Variants in NEB observed in about 807,000 individuals in gnomAD.
NEB encodes nebulin.
A neutral mutation model predicts 952.2 loss-of-function variants in NEB; 512 were observed. That is an observed-to-expected ratio of 0.54 (90% CI 0.50 to 0.58). The LOEUF is 0.58. NEB is among the 20% of genes least tolerant of loss of function. The probability of loss-of-function intolerance (pLI) is 0.00; values close to 1 mark genes in which losing one functional copy is unlikely to be tolerated. For synonymous variants in NEB, 2,900 were observed against 3,149.8 expected (o/e 0.92, Z 2.66); for missense variants, 8,428 against 9,231.1 (o/e 0.91, Z 3.56).
rs1553603958 is a variant in NEB, at chr2:151,695,684, T to C, written c.1570-2A>G. 6.2e-7 allele frequency: 1 copy of C among 1,602,510 alleles called. No individual in the cohort carries two copies. The highest frequency in any genetic ancestry group is 8.5e-7 in the Non-Finnish European group (1 of 1,170,128). Reference sequence around the variant, plus strand: ...TTCATGTTTTGCTTTGTAATTTAACTATGACAGAGAGAGAACCAATTAGTT... The same window carrying C: ...TTCATGTTTTGCTTTGTAATTTAACCATGACAGAGAGAGAACCAATTAGTT... On this transcript the variant is annotated splice_acceptor_variant, in intron 17 of 181. Transcript: ENST00000397345. LOFTEE classifies it high-confidence loss of function.
intron 161 of NEB, among the ~76,000 whole-genome samples, chr2:151,509,318 G>A (rs1452642342): frequency 7.2e-6 from 1 of 139,138 alleles, no homozygotes; most frequent in East Asian, 2.2e-4. Context: ...TAGCTATGTA[G>A]ATGTAAGGAA....
chr2:151,541,650 C>T (rs1468451360), intron 135 of NEB, 99 bp from the exon 136 acceptor site: 3 of 856,100 alleles, frequency 3.5e-6, no homozygotes, highest in Non-Finnish European at 5.7e-6. Context: ...AGGCAGGAGC[C>T]CTCCCACTGC....
intron 68 of NEB, among the ~76,000 whole-genome samples, chr2:151,629,118 G>T (rs889138181): frequency 2.0e-5 from 3 of 152,136 alleles, no homozygotes; most frequent in African/African-American, 7.2e-5. Flanking sequence ...TTTGGGGAAA[G>T]GTGGATTTTC....
rs2098497977 is a variant in NEB at position 151,625,254 on chromosome 2, A to C, written c.10452+280T>G. On this transcript the variant is annotated intron_variant, in intron 71 of 181. Transcript: ENST00000397345. Reference sequence around the variant, plus strand: ...TGAATAGCAAGAATTATTTTTAATGAAAATTATGTTTTAGTCATTAATAGT... The same window carrying C: ...TGAATAGCAAGAATTATTTTTAATGCAAATTATGTTTTAGTCATTAATAGT... Among the ~76,000 whole-genome samples the C allele has an allele frequency of 7.9e-5, 12 of 152,172 alleles. 1 individual carries two copies. The highest frequency in any genetic ancestry group is 7.9e-4 in the Admixed American group (12 of 15,268).
At chr2:151,521,197 A>G (rs1389358738) in intron 153 of NEB, among the ~76,000 whole-genome samples, 2 of 152,194 alleles carry the variant, frequency 1.3e-5, no homozygotes, top group African/African-American at 4.8e-5. Flanking sequence ...ACAGACACAA[A>G]ATAACAATGA....
In NEB at chr2:151,697,205, G is replaced by A. The variant is rs112958786; in HGVS notation, c.1413C>T (p.Phe471=). The change falls in exon 16 of 182, where the codon TTC becomes TTT. Residue 471 remains phenylalanine (F), a synonymous_variant. Coordinates refer to ENST00000397345, the MANE Select transcript of NEB (RefSeq NM_001164508.2). The part of the protein sequence containing the change: ...EYEEDRGKGF[F]PQTITQEYEA... ...CATATTCTTGAGTTATGGTCTGAGG[G>A]AAGAAGCCTTTGCCTCTGTCTTCTT... 7.8e-4 allele frequency: 1,254 copies of A among 1,613,746 alleles called. 8 individuals carry two copies. In the African/African-American group the frequency reaches 0.012, roughly 16 times the overall value.
At chr2:151,687,793 AT>A (rs1254297989) in intron 25 of NEB, 60 bp from the exon 26 acceptor site, 3 of 1,453,716 alleles carry the variant, frequency 2.1e-6, no homozygotes, top group Non-Finnish European at 2.8e-6. Context: ...CAGTAAAAAA[AT>A]AAAAACATAT....
chr2:151,499,505 C>A (rs888193311), intron 168 of NEB, 115 bp from the exon 169 acceptor site: 2 of 648,190 alleles, frequency 3.1e-6, no homozygotes, highest in Non-Finnish European at 2.8e-6. Flanking sequence ...AAGACAGATT[C>A]AACAAGTCAA....
In NEB at chr2:151,627,034, G is replaced by C; in HGVS notation, c.10315C>G (p.Leu3439Val). ...ATATTGAGAGCATTGTTCTTGGCCAGCACCTGCTCTAGAGAGTCAGTCACA... is the reference window on the plus strand; with the variant it reads ...ATATTGAGAGCATTGTTCTTGGCCACCACCTGCTCTAGAGAGTCAGTCACA... ...TSVTDSLEQV[L>V]AKNNALNMNK... Residue 3439 changes from leucine (L) to valine (V), a missense_variant, in exon 70 of 182, where the codon CTG becomes GTG. By Grantham distance (32) the Leu-to-Val change is conservative. Transcript: ENST00000397345. 6.2e-7 allele frequency: 1 copy of C among 1,613,946 alleles called. No individual in the cohort carries two copies. Among genetic ancestry groups the C allele is most frequent in the Non-Finnish European group, 8.5e-7 (1 of 1,179,864 alleles).
intron 128 of NEB, 24 bp downstream of exon 128, chr2:151,552,648 T>C (rs374478409): frequency 1.9e-6 from 3 of 1,563,274 alleles, no homozygotes; most frequent in South Asian, 1.1e-5. Flanking sequence ...TACTGTCCAC[T>C]TAACTTCCCC....
chr2:151,678,094 C>T lies in NEB; in HGVS notation c.3349G>A (p.Val1117Met), dbSNP rs1404806019. The T allele has an allele frequency of 6.8e-6, 11 of 1,613,496 alleles. No individual in the cohort carries two copies. Among genetic ancestry groups the T allele is most frequent in the South Asian group, 2.2e-5 (2 of 91,068 alleles). ...TCCCGATCTGATTGTATCTTGGCCA[C>T]GTTCATATAATGAACCAGTTTAGGG... The part of the protein sequence containing the change: ...DDPKLVHYMN[V>M]AKIQSDREYK... The change falls in exon 33 of 182, where the codon GTG (valine) becomes ATG (methionine). Residue 1117 changes from valine to methionine, a missense_variant. Coordinates refer to ENST00000397345, the MANE Select transcript of NEB (RefSeq NM_001164508.2).
In NEB at chr2:151,724,292, G is replaced by C. The variant is rs1032240985; in HGVS notation, c.580C>G (p.Gln194Glu). Reference protein sequence around the residue: ...LLPPDAPELVQAVKNTAMFSK... With the variant: ...LLPPDAPELVEAVKNTAMFSK... ...AACATGGCGGTGTTCTTAACGGCCT[G>C]GACAAGTTCAGGGGCATCAGGAGGA... Residue 194 changes from glutamine (Q) to glutamate (E), a missense_variant, in exon 8 of 182, where the codon CAG becomes GAG. Gln to Glu is a conservative substitution (Grantham distance 29, BLOSUM62 2). Around this residue, in one of 11 missense-constraint regions of NEB, gnomAD observed 2,851 missense variants for 2,791.5 expected, o/e 1.02. Coordinates refer to ENST00000397345, the MANE Select transcript of NEB (RefSeq NM_001164508.2). 6.2e-7 allele frequency: 1 copy of C among 1,613,010 alleles called. No individual in the cohort carries two copies. The highest frequency in any genetic ancestry group is 8.5e-7 in the Non-Finnish European group (1 of 1,179,558).
Position 151,619,517 on chromosome 2 carries a change from T to G in NEB, c.10806A>C (p.Glu3602Asp). The change falls in exon 73 of 182, where the codon GAA (glutamate) becomes GAC (aspartate). Residue 3602 changes from glutamate to aspartate, a missense_variant. This residue lies in a region of NEB where 1,772 missense variants were observed against 1,960.3 expected (regional missense o/e 0.90). Transcript: ENST00000397345. ...CATTCTGGTCGGGCAGGCAGATCCA[T>G]TCATGCAGAGGATGTTTATAGTCCA... Reference protein sequence around the residue: ...SDVDYKHPLHEWICLPDQNDI... With the variant: ...SDVDYKHPLHDWICLPDQNDI... 1 of 1,613,930 alleles carries G rather than the reference T, an allele frequency of 6.2e-7. No individual in the cohort carries two copies. Among genetic ancestry groups the G allele is most frequent in the Non-Finnish European group, 8.5e-7 (1 of 1,179,826 alleles).
Position 151,568,675 on chromosome 2 carries a change from A to G in NEB, c.17577T>C (p.Pro5859=), listed in dbSNP as rs369400827. Residue 5859 remains proline, a synonymous_variant, in exon 111 of 182, where the codon CCT becomes CCC. Transcript: ENST00000397345. ...RTKIETLNFT[P]VDDRVDYVTA... is the part of the protein sequence containing the mutation. ...TCACATAATCAACTCTGTCATCCAC[A>G]GGCGTAAAGTTGAGAGTTTCTATTT... is the stretch of plus-strand genomic sequence containing the variant. 6.2e-7 allele frequency: 1 copy of G among 1,608,846 alleles called. No individual in the cohort carries two copies. The highest frequency in any genetic ancestry group is 8.5e-7 in the Non-Finnish European group (1 of 1,177,472).
At chr2:151,494,523 C>T (rs760955607) in intron 173 of NEB, among the ~76,000 whole-genome samples, 7 of 152,132 alleles carry the variant, frequency 4.6e-5, no homozygotes, top group Admixed American at 6.5e-5. Context: ...ATCATTTTAC[C>T]GCTAGTCTCT....
chr2:151,559,541 C>T (rs1284064751), intron 124 of NEB, among the ~76,000 whole-genome samples: 2 of 152,180 alleles, frequency 1.3e-5, no homozygotes, highest in African/African-American at 4.8e-5. Flanking sequence ...GGAACCAACC[C>T]AAATGCCCAT....
chr2:151,554,232 C>T (rs1424831917), intron 125 of NEB, among the ~76,000 whole-genome samples: 4 of 152,172 alleles, frequency 2.6e-5, no homozygotes, highest in Non-Finnish European at 5.9e-5. Context: ...AGCTTCTTTA[C>T]ATGTGCACAG....
Position 151,493,848 on chromosome 2 carries a change from A to G in NEB, c.24599T>C (p.Leu8200Pro). 3 of 1,572,992 alleles carry G rather than the reference A, an allele frequency of 1.9e-6. No homozygotes were observed. The highest frequency in any genetic ancestry group is 2.6e-6 in the Non-Finnish European group (3 of 1,158,580). ...AAAGGGTGTGGGGGTTGCTTTCCCCAGGTTCTCTTTGTATAACACCTGTGA... is the reference window on the plus strand; with the variant it reads ...AAAGGGTGTGGGGGTTGCTTTCCCCGGGTTCTCTTTGTATAACACCTGTGA... ...NISSVLYKEN[L>P]GKATPTPFTP... The change falls in exon 175 of 182, where the codon CTG (leucine) becomes CCG (proline). Residue 8200 changes from leucine to proline, a missense_variant. Leu to Pro is a moderately conservative substitution (Grantham distance 98). Around this residue, in one of 11 missense-constraint regions of NEB, gnomAD observed 3,374 missense variants for 3,651.5 expected, o/e 0.92. Transcript: ENST00000397345.
Position 151,676,696 on chromosome 2 carries a change from G to A in NEB, c.3774+869C>T, listed in dbSNP as rs2099362612. Reference sequence around the variant, plus strand: ...ATGCTCACTTCTCTCACTTGCCTGGGAAACTCTGGTAGGCAGTTACCTGTG... The same window carrying A: ...ATGCTCACTTCTCTCACTTGCCTGGAAAACTCTGGTAGGCAGTTACCTGTG... On this transcript the variant is annotated intron_variant, in intron 34 of 181. Transcript: ENST00000397345. Among the ~76,000 whole-genome samples, 5 of 152,050 alleles carry A rather than the reference G, an allele frequency of 3.3e-5. No homozygotes were observed. In the South Asian group the frequency reaches 8.3e-4, roughly 25 times the overall value.
Sources: allele counts gnomAD v4.1 joint callset (sites outside exome capture counted in the v4.1 genomes callset), GRCh38; gene constraint gnomAD v4.1.1; regional missense constraint gnomAD v4.1.1; transcripts MANE v1.5; gene names NCBI Gene and HGNC (gene_info 2026-07-23, HGNC 2026-07-21).